RNF144A: variants seen among roughly 807,000 people sequenced by gnomAD.
RNF144A encodes ring finger protein 144A.
RNF144A carries 11 observed loss-of-function variants against 38.7 expected under a neutral mutation model. That is an observed-to-expected ratio of 0.28 (90% CI 0.18 to 0.47). The LOEUF (loss-of-function observed/expected upper bound fraction) is 0.47, where lower values mean the gene tolerates loss of function less well. Among genes scored for constraint, RNF144A ranks in the 20% least tolerant of loss-of-function variants. The pLI is 0.99. For missense variants in RNF144A, 316 were observed against 377.2 expected, an observed-to-expected ratio of 0.84 and a Z score of 1.34; for synonymous variants, 149 against 143.9, an observed-to-expected ratio of 1.04 and a Z score of -0.25.
chr2:7,002,054 G>A (rs1271938984), intron 3 of RNF144A, among the ~76,000 whole-genome samples: 1 of 152,096 alleles, frequency 6.6e-6, no homozygotes, highest in Non-Finnish European at 1.5e-5. Flanking sequence ...TCATTGACCT[G>A]GTATGCTGCA....
At chr2:7,056,762 A>C (rs1673757129) in intron 6 of RNF144A, among the ~76,000 whole-genome samples, 1 of 152,020 alleles carries the variant, frequency 6.6e-6, no homozygotes, top group South Asian at 2.1e-4. Flanking sequence ...TCTCCCCCCC[A>C]GTTGTGGCCT....
intron 2 of RNF144A, among the ~76,000 whole-genome samples, chr2:6,977,914 G>C (rs775014118): frequency 4.6e-5 from 7 of 152,150 alleles, no homozygotes; most frequent in South Asian, 2.1e-4. Flanking sequence ...TGAGTGTCGG[G>C]GGGAGCTGTT....
intron 1 of RNF144A, among the ~76,000 whole-genome samples, chr2:6,919,736 T>G (rs1572179638): frequency 6.6e-6 from 1 of 152,190 alleles, no homozygotes; most frequent in East Asian, 1.9e-4. Context: ...CCAATTTTAA[T>G]GGGATGGAAA....
chr2:6,964,967 A>C (rs1304582802), intron 2 of RNF144A, among the ~76,000 whole-genome samples: 1 of 152,070 alleles, frequency 6.6e-6, no homozygotes, highest in Non-Finnish European at 1.5e-5. Context: ...TTAAAGTATA[A>C]TAATAATAAA....
chr2:7,066,886 C>T (rs927488490), intron 6 of RNF144A, among the ~76,000 whole-genome samples: 11 of 152,292 alleles, frequency 7.2e-5, no homozygotes, highest in African/African-American at 2.6e-4. Flanking sequence ...TCCTTGGCTT[C>T]GCTTTCTAGT....
intron 7 of RNF144A, among the ~76,000 whole-genome samples, chr2:7,025,406 G>A (rs931637995): frequency 1.3e-5 from 2 of 152,212 alleles, no homozygotes; most frequent in African/African-American, 4.8e-5. Context: ...AGCCTCGGTG[G>A]CTCACGCCTA....
At chr2:6,947,937 G>C (rs977452783) in intron 2 of RNF144A, among the ~76,000 whole-genome samples, 4 of 152,226 alleles carry the variant, frequency 2.6e-5, no homozygotes, top group African/African-American at 9.6e-5. Flanking sequence ...TGTTCATAAC[G>C]TGTGATCAAC....
rs1673022568 is a variant in RNF144A, at chr2:7,041,211, A to G, written c.*1451A>G. The G allele has an allele frequency of 1.0e-6, 1 of 985,070 alleles. No homozygotes were observed. The highest frequency in any genetic ancestry group is 1.2e-6 in the Non-Finnish European group (1 of 829,536). The allele number at this position is 985,070 out of a possible 1,614,324, so 61.0% of individuals were successfully genotyped here. ...AAGTAAAACAAAATCCTTTTATCTC[A>G]GTTATTTGCCCATCACAAGCACATT... On this transcript the variant is annotated 3_prime_UTR_variant, in exon 9 of 9. Transcript: ENST00000320892.
chr2:7,024,421 T>A lies in RNF144A; in HGVS notation c.562T>A (p.Cys188Ser). ...DDAPIKRCPK[C>S]KVYIERDEGC... ...CGCGCCCATCAAGCGCTGCCCCAAG[T>A]GCAAAGTCTACATCGAGCGAGACGA... The change falls in exon 7 of 9, where the codon TGC becomes AGC. Residue 188 changes from cysteine (C) to serine (S), a missense_variant. By Grantham distance (112) the Cys-to-Ser change is moderately radical (BLOSUM62 -1). Coordinates refer to ENST00000320892, the MANE Select transcript of RNF144A (RefSeq NM_014746.6). The A allele has an allele frequency of 6.2e-7, 1 of 1,612,672 alleles. No homozygotes were observed. Among genetic ancestry groups the A allele is most frequent in the Non-Finnish European group, 8.5e-7 (1 of 1,178,656 alleles).
intron 2 of RNF144A, among the ~76,000 whole-genome samples, chr2:6,963,357 G>A (rs1201368877): frequency 6.6e-6 from 1 of 152,130 alleles, no homozygotes; most frequent in Non-Finnish European, 1.5e-5. Flanking sequence ...TTCTGTGTTG[G>A]CTCCATCCTG....
At chr2:6,930,680 C>A (rs1189305040) in intron 1 of RNF144A, among the ~76,000 whole-genome samples, 3 of 152,094 alleles carry the variant, frequency 2.0e-5, no homozygotes, top group Non-Finnish European at 4.4e-5. Flanking sequence ...CAGCTTTGAT[C>A]TCTGGGGCTC....
At chr2:6,985,066 A>G (rs1558405681) in intron 2 of RNF144A, among the ~76,000 whole-genome samples, 1 of 152,254 alleles carries the variant, frequency 6.6e-6, no homozygotes, top group African/African-American at 2.4e-5. Context: ...GAAAATCAAA[A>G]TAAACTTCAC....
At chr2:7,048,135 A>G (rs2103471152), downstream of RNF144A, among the ~76,000 whole-genome samples, 1 of 152,200 alleles carries the variant, frequency 6.6e-6, no homozygotes, top group East Asian at 1.9e-4. Flanking sequence ...TGAATGAGAA[A>G]AATGAGCTCA....
chr2:7,016,104 T>TAAAAAAAAAAAAAAA, intron 5 of RNF144A, among the ~76,000 whole-genome samples: 1 of 115,104 alleles, frequency 8.7e-6, no homozygotes, highest in African/African-American at 3.2e-5. Context: ...ACCCCGTCTC[T>TAAAAAAAAAAAAAAA]AAAAAAAAAA....
At chr2:6,987,093 A>T (rs901918459) in intron 2 of RNF144A, among the ~76,000 whole-genome samples, 6 of 152,234 alleles carry the variant, frequency 3.9e-5, no homozygotes, top group African/African-American at 1.4e-4. Context: ...ACCGGCCATG[A>T]TGTTGAAGCC....
chr2:6,940,565 T>C (rs1243260213), intron 1 of RNF144A, among the ~76,000 whole-genome samples: 1 of 152,168 alleles, frequency 6.6e-6, no homozygotes, highest in Non-Finnish European at 1.5e-5. Context: ...TTTATTTTAT[T>C]ATATACTTCT....
At position 6,962,221 on chromosome 2, in the gene RNF144A, C is replaced by T. The variant is rs1268111574; in HGVS notation, c.-12+21074C>T. Among the ~76,000 whole-genome samples the T allele has an allele frequency of 6.6e-6, 1 of 152,124 alleles. No homozygotes were observed. The highest frequency in any genetic ancestry group is 2.4e-5 in the African/African-American group (1 of 41,428). On this transcript the variant is annotated intron_variant, in intron 2 of 8. Coordinates refer to ENST00000320892, the MANE Select transcript of RNF144A (RefSeq NM_014746.6). The surrounding 1 kb of genome is among the most constrained non-coding windows in gnomAD (Gnocchi z 4.1). ...GCATAGGGCACAAATCTCTGGTAGC[C>T]CCCACCCTAATGATTTATTATGCAG...
At chr2:6,996,058 G>A (rs1448768436) in intron 2 of RNF144A, among the ~76,000 whole-genome samples, 1 of 152,168 alleles carries the variant, frequency 6.6e-6, no homozygotes, top group African/African-American at 2.4e-5. Flanking sequence ...ACAAAGCATA[G>A]CAATGGTTCT....
chr2:6,935,946 A>T (rs1420617730), intron 1 of RNF144A, among the ~76,000 whole-genome samples: 4 of 152,198 alleles, frequency 2.6e-5, no homozygotes, highest in African/African-American at 4.8e-5. Context: ...TCCCTCCCTC[A>T]TTCCCTGCCT....
Sources: gnomAD v4.1 joint callset for allele counts (sites outside exome capture counted in the v4.1 genomes callset) on GRCh38, gnomAD v4.1.1 for gene constraint, Gnocchi (gnomAD v3.1) non-coding constraint, MANE v1.5 for transcripts, NCBI Gene and HGNC (gene_info 2026-07-23, HGNC 2026-07-21) for gene names.